RABGAP1: variants seen among roughly 807,000 people sequenced by gnomAD.
The protein encoded by RABGAP1 is RAB GTPase activating protein 1.
RABGAP1 carries 23 observed loss-of-function variants against 137.6 expected under a neutral mutation model. The ratio of observed to expected loss-of-function variants is 0.17; its 90% CI spans 0.12 to 0.24. RABGAP1 has a LOEUF of 0.24. Among genes scored for constraint, RABGAP1 ranks in the 10% least tolerant of loss-of-function variants. RABGAP1 has a pLI of 1.00. For synonymous variants in RABGAP1, 451 were observed against 450.7 expected, an observed-to-expected ratio of 1.00 and a Z score of -0.01; for missense variants, 906 against 1,275.8, an observed-to-expected ratio of 0.71 and a Z score of 4.42.
chr9:123,058,316 T>G (rs1292002630), intron 13 of RABGAP1, among the ~76,000 whole-genome samples: 1 of 152,096 alleles, frequency 6.6e-6, no homozygotes, highest in Non-Finnish European at 1.5e-5. Context: ...ATACAATATT[T>G]TGTAGTTAGC....
chr9:123,024,252 C>T (rs536208545), intron 13 of RABGAP1, among the ~76,000 whole-genome samples: 1 of 152,070 alleles, frequency 6.6e-6, no homozygotes, highest in South Asian at 2.1e-4. Context: ...TAATAGCTAC[C>T]TTTTTTAGCA....
chr9:122,949,149 G>A (rs1472889186), intron 1 of RABGAP1, among the ~76,000 whole-genome samples: 1 of 152,200 alleles, frequency 6.6e-6, no homozygotes, highest in Non-Finnish European at 1.5e-5. Flanking sequence ...GCTGAGGCAG[G>A]TGGATCATTT....
intron 13 of RABGAP1, among the ~76,000 whole-genome samples, chr9:123,040,555 G>A (rs1316964053): frequency 1.3e-5 from 2 of 152,042 alleles, no homozygotes; most frequent in Non-Finnish European, 2.9e-5. Flanking sequence ...CTTTTAGTCA[G>A]ATTCTTTGCA....
chr9:123,037,548 T>G (rs147858882), intron 13 of RABGAP1, among the ~76,000 whole-genome samples: 1 of 152,336 alleles, frequency 6.6e-6, no homozygotes, highest in East Asian at 1.9e-4. Context: ...CATTTTCCCT[T>G]TAAGTGGTAC....
At chr9:123,056,252 T>C (rs1465692937) in intron 13 of RABGAP1, among the ~76,000 whole-genome samples, 1 of 152,250 alleles carries the variant, frequency 6.6e-6, no homozygotes, top group Non-Finnish European at 1.5e-5. Flanking sequence ...GTATTGCAGT[T>C]AGAATAGGAT....
chr9:123,050,256 T>C (rs1338833403), intron 13 of RABGAP1, among the ~76,000 whole-genome samples: 3 of 152,274 alleles, frequency 2.0e-5, no homozygotes, highest in Admixed American at 6.5e-5. Context: ...ATATGTCATG[T>C]ATTTAAATGT....
intron 25 of RABGAP1, among the ~76,000 whole-genome samples, chr9:123,102,211 TGTTCTTCCA>T (rs2035366166): frequency 6.6e-6 from 1 of 152,208 alleles, no homozygotes; most frequent in Non-Finnish European, 1.5e-5. Flanking sequence ...TGCAAGCTTT[TGTTCTTCCA>T]GTTCCCACCA....
intron 12 of RABGAP1, among the ~76,000 whole-genome samples, chr9:123,015,909 G>A (rs675273): frequency 0.76 from 115,024 of 152,022 alleles, 45,457 homozygotes; most frequent in Middle Eastern, 0.89. Flanking sequence ...TATCTTTTAT[G>A]TTGAAGAGGT....
chr9:123,051,706 T>C (rs1293833235), intron 13 of RABGAP1, among the ~76,000 whole-genome samples: 1 of 152,062 alleles, frequency 6.6e-6, no homozygotes, highest in Non-Finnish European at 1.5e-5. Context: ...GTCTGTGTCA[T>C]ACCAATTTTA....
chr9:122,990,825 A>G (rs1836683702), intron 6 of RABGAP1: 1 of 122,332 alleles, frequency 8.2e-6, no homozygotes, highest in Non-Finnish European at 1.6e-5. Flanking sequence ...ATATATATAT[A>G]TATATATATA....
At chr9:122,996,672 C>T (rs568268724) in intron 8 of RABGAP1, 67 bp downstream of exon 8, 3 of 1,283,116 alleles carry the variant, frequency 2.3e-6, no homozygotes, top group South Asian at 1.3e-5. Context: ...CACTTTTTCT[C>T]ATCTGAATCT....
At chr9:122,946,741 G>C (rs1833970565) in intron 1 of RABGAP1, among the ~76,000 whole-genome samples, 1 of 152,176 alleles carries the variant, frequency 6.6e-6, no homozygotes, top group Non-Finnish European at 1.5e-5. Flanking sequence ...AAATTAAAGT[G>C]TGTTTCCTGA....
chr9:123,047,666 G>C (rs921576371), intron 13 of RABGAP1, among the ~76,000 whole-genome samples: 1 of 151,722 alleles, frequency 6.6e-6, no homozygotes, highest in Non-Finnish European at 1.5e-5. Flanking sequence ...CTTATATGTT[G>C]AGCTCAAGAA....
chr9:123,094,256 A>G (rs2035115429), intron 21 of RABGAP1, among the ~76,000 whole-genome samples: 1 of 152,176 alleles, frequency 6.6e-6, no homozygotes, highest in African/African-American at 2.4e-5. Context: ...TGCACTGACT[A>G]GCATCTTCAG....
At chr9:123,035,966 C>T (rs768144615) in intron 13 of RABGAP1, among the ~76,000 whole-genome samples, 7 of 152,146 alleles carry the variant, frequency 4.6e-5, no homozygotes, top group South Asian at 4.1e-4. Context: ...GTGTGAAAAG[C>T]GTCAGCATTT....
intron 1 of RABGAP1, among the ~76,000 whole-genome samples, chr9:122,950,066 G>A (rs552075366): frequency 6.6e-6 from 1 of 152,312 alleles, no homozygotes; most frequent in African/African-American, 2.4e-5. Flanking sequence ...GGATTTTATT[G>A]TATTTTCAGT....
chr9:123,008,054 G>T (rs1393808751), intron 10 of RABGAP1, among the ~76,000 whole-genome samples: 2 of 151,586 alleles, frequency 1.3e-5, no homozygotes, highest in Non-Finnish European at 2.9e-5. Flanking sequence ...TCAAACATAT[G>T]CAGAAATTGT....
At chr9:122,966,029 A>G (rs1472322822) in intron 2 of RABGAP1, among the ~76,000 whole-genome samples, 1 of 152,182 alleles carries the variant, frequency 6.6e-6, no homozygotes, top group African/African-American at 2.4e-5. Context: ...TAATGGCATT[A>G]CCTCAGTAAT....
At chr9:123,034,702 A>G in intron 13 of RABGAP1, 1 of 1,613,664 alleles carries the variant, frequency 6.2e-7, no homozygotes, top group Non-Finnish European at 8.5e-7. Context: ...TATTTCTGGC[A>G]ACATCATTGT....
Sources: gnomAD v4.1 joint callset for allele counts (sites outside exome capture counted in the v4.1 genomes callset) on GRCh38, gnomAD v4.1.1 for gene constraint, MANE v1.5 for transcripts, NCBI Gene and HGNC (gene_info 2026-07-23, HGNC 2026-07-21) for gene names.